TNNI3K: variants seen among roughly 807,000 people sequenced by gnomAD.
The protein encoded by TNNI3K is serine/threonine-protein kinase TNNI3K.
TNNI3K carries 140 observed loss-of-function variants against 114.5 expected under a neutral mutation model. That is an observed-to-expected ratio of 1.22 (90% CI 1.07 to 1.41). TNNI3K has a LOEUF of 1.41. TNNI3K is among the 40% of genes most tolerant of loss of function. The probability of loss-of-function intolerance (pLI) is 0.00; values close to 1 mark genes in which losing one functional copy is unlikely to be tolerated. For missense variants in TNNI3K, 1,125 were observed against 1,007.6 expected, an observed-to-expected ratio of 1.12 and a Z score of -1.58; for synonymous variants, 347 against 347.5, an observed-to-expected ratio of 1.00 and a Z score of 0.02.
chr1:74,277,183 T>C (rs991945844), intron 5 of TNNI3K, among the ~76,000 whole-genome samples: 4 of 152,156 alleles, frequency 2.6e-5, no homozygotes, highest in Admixed American at 6.5e-5. Context: ...TTTGGTTGTT[T>C]TGTGAGATAA....
In TNNI3K at chr1:74,543,064, C is replaced by CTTTTTTTTTTTTTTT. The variant is rs60688934; in HGVS notation, c.2432-827_2432-813dup. 3.1e-3 allele frequency among the ~76,000 whole-genome samples: 21 copies of CTTTTTTTTTTTTTTT among 6,738 alleles called. 4 individuals are homozygous for CTTTTTTTTTTTTTTT. Among genetic ancestry groups the CTTTTTTTTTTTTTTT allele is most frequent in the Non-Finnish European group, 4.7e-3 (13 of 2,788 alleles). The allele number at this position is 6,738 out of a possible 152,430, so 4.4% of individuals were successfully genotyped here. ...CTTTTCCTTTTCTTTTTCTTTTTCCCTTTTTTTTTTTTTTTTTTTTTTTTT... is the reference window on the plus strand; with the variant it reads ...CTTTTCCTTTTCTTTTTCTTTTTCCCTTTTTTTTTTTTTTTTTTTTTTTTTTTTTTTTTTTTTTTT... On this transcript the variant is annotated intron_variant, in intron 24 of 24. Coordinates refer to ENST00000326637, the MANE Select transcript of TNNI3K (RefSeq NM_015978.3).
At chr1:74,518,874 C>CTTTT (rs1327871291) in intron 23 of TNNI3K, among the ~76,000 whole-genome samples, 2 of 29,052 alleles carry the variant, frequency 6.9e-5, no homozygotes, top group Admixed American at 4.8e-4. Context: ...TTTTTTTCCC[C>CTTTT]TTTTTTTTTT....
rs146032659 is a variant in TNNI3K at position 74,499,124 on chromosome 1, A to C, written c.2351+6858A>C. ...TGCAGGTGCGTGCACACTGGGTTAC[A>C]AGGGACAACCAGCATGCATTTCCCT... is the stretch of plus-strand genomic sequence containing the variant. On this transcript the variant is annotated intron_variant, in intron 23 of 24. Transcript: ENST00000326637. 2.4e-3 allele frequency among the ~76,000 whole-genome samples: 373 copies of C among 152,306 alleles called. 4 individuals carry two copies. The highest frequency in any genetic ancestry group is 8.5e-3 in the African/African-American group (354 of 41,574).
chr1:74,382,169 T>C (rs1663235653), intron 17 of TNNI3K, among the ~76,000 whole-genome samples: 1 of 152,212 alleles, frequency 6.6e-6, no homozygotes, highest in Non-Finnish European at 1.5e-5. Flanking sequence ...CTATCACACC[T>C]TTTTGATTCC....
At chr1:74,247,811 C>G (rs1447236760) in intron 2 of TNNI3K, among the ~76,000 whole-genome samples, 1 of 152,220 alleles carries the variant, frequency 6.6e-6, no homozygotes, top group African/African-American at 2.4e-5. Context: ...CAAGTCCCCA[C>G]CCAACTCAGG....
chr1:74,337,096 G>A (rs1442936378), intron 7 of TNNI3K, among the ~76,000 whole-genome samples: 3 of 151,402 alleles, frequency 2.0e-5, no homozygotes, highest in Non-Finnish European at 3.0e-5. Context: ...TTCTCTGATG[G>A]CCAGTGATGA....
At chr1:74,394,207 T>C (rs1324839055) in intron 17 of TNNI3K, among the ~76,000 whole-genome samples, 3 of 152,210 alleles carry the variant, frequency 2.0e-5, no homozygotes, top group African/African-American at 7.2e-5. Context: ...TATGCATTTA[T>C]TCCATATTCA....
chr1:74,380,757 C>T (rs1013792669), intron 17 of TNNI3K, among the ~76,000 whole-genome samples: 1 of 152,146 alleles, frequency 6.6e-6, no homozygotes, highest in Non-Finnish European at 1.5e-5. Flanking sequence ...GGCACCTTGT[C>T]GATTTCCTAA....
chr1:74,528,734 G>A (rs1169426533), intron 23 of TNNI3K, among the ~76,000 whole-genome samples: 1 of 152,196 alleles, frequency 6.6e-6, no homozygotes, highest in Admixed American at 6.5e-5. Flanking sequence ...GTATGCTCAT[G>A]CATATGCTCT....
chr1:74,479,287 A>G (rs376365667), intron 21 of TNNI3K, among the ~76,000 whole-genome samples: 3 of 152,214 alleles, frequency 2.0e-5, no homozygotes, highest in African/African-American at 7.2e-5. Flanking sequence ...TTGGTCTTCA[A>G]CTAATGACAC....
At chr1:74,300,372 C>CT (rs1222080720) in intron 5 of TNNI3K, among the ~76,000 whole-genome samples, 7 of 152,112 alleles carry the variant, frequency 4.6e-5, no homozygotes, top group Non-Finnish European at 1.0e-4. Flanking sequence ...TAAGGGTTTT[C>CT]TTTCAACATA....
intron 20 of TNNI3K, among the ~76,000 whole-genome samples, chr1:74,444,391 A>G (rs1666532938): frequency 6.6e-6 from 1 of 152,170 alleles, no homozygotes; most frequent in South Asian, 2.1e-4. Context: ...CCAACAATAG[A>G]CAAGAAGAGA....
chr1:74,371,248 T>A (rs915926081), intron 17 of TNNI3K: 2 of 151,880 alleles, frequency 1.3e-5, no homozygotes, highest in Non-Finnish European at 2.9e-5. Flanking sequence ...ATTACTCTAG[T>A]CAGTCATTTG....
intron 5 of TNNI3K, among the ~76,000 whole-genome samples, chr1:74,280,055 G>GA (rs11449546): frequency 1 from 151,869 of 152,268 alleles, 75,737 homozygotes; most frequent in Non-Finnish European, 1. Flanking sequence ...AAAATCAGGT[G>GA]ATGATCACAG....
At chr1:74,510,890 C>CTT (rs1195105886) in intron 23 of TNNI3K, among the ~76,000 whole-genome samples, 1 of 152,098 alleles carries the variant, frequency 6.6e-6, no homozygotes, top group Non-Finnish European at 1.5e-5. Context: ...ACTGAATATG[C>CTT]TTTTTTTCTT....
chr1:74,277,601 A>G (rs1055002145), intron 5 of TNNI3K, among the ~76,000 whole-genome samples: 2 of 152,134 alleles, frequency 1.3e-5, no homozygotes, highest in African/African-American at 4.8e-5. Context: ...CAAGTGTAAA[A>G]CACTTTATAC....
At chr1:74,495,928 T>C (rs1340989138) in intron 23 of TNNI3K, among the ~76,000 whole-genome samples, 1 of 152,112 alleles carries the variant, frequency 6.6e-6, no homozygotes, top group Non-Finnish European at 1.5e-5. Flanking sequence ...GATCAATAGG[T>C]GTTTAAAGTC....
intron 17 of TNNI3K, among the ~76,000 whole-genome samples, chr1:74,409,797 CTTTTA>C (rs927544054): frequency 1.3e-5 from 2 of 152,018 alleles, no homozygotes; most frequent in Non-Finnish European, 2.9e-5. Flanking sequence ...CCCACCTTTT[CTTTTA>C]TATTTATTAT....
intron 5 of TNNI3K, among the ~76,000 whole-genome samples, chr1:74,322,461 C>CTT (rs113272069): frequency 1.4e-4 from 20 of 138,900 alleles, no homozygotes; most frequent in Admixed American, 2.9e-4. Flanking sequence ...CTAATTCTAC[C>CTT]TTTTTTTTTT....
Sources: allele counts gnomAD v4.1 joint callset (sites outside exome capture counted in the v4.1 genomes callset), GRCh38; gene constraint gnomAD v4.1.1; transcripts MANE v1.5; gene names NCBI Gene and HGNC (gene_info 2026-07-23, HGNC 2026-07-21).